Variants in TRIM67 observed in about 807,000 individuals in gnomAD.
TRIM67 encodes tripartite motif containing 67.
TRIM67 carries 39 observed loss-of-function variants against 71.0 expected under a neutral mutation model. The ratio of observed to expected loss-of-function variants is 0.55; its 90% CI spans 0.43 to 0.72. The LOEUF is 0.72. Ranked by LOEUF, TRIM67 falls within the 30% of genes least tolerant of loss-of-function variation. The pLI is 0.00. For missense variants in TRIM67, 973 were observed against 1,079.2 expected, an observed-to-expected ratio of 0.90 and a Z score of 1.38; for synonymous variants, 481 against 473.9, an observed-to-expected ratio of 1.01 and a Z score of -0.19.
chr1:231,208,564 G>A (rs1441483304), intron 7 of TRIM67, among the ~76,000 whole-genome samples: 1 of 152,076 alleles, frequency 6.6e-6, no homozygotes, highest in African/African-American at 2.4e-5. Context: ...CACCCACCTC[G>A]GCTTCCCAAA....
rs1182578191 is a variant in TRIM67 at position 231,203,870 on chromosome 1, C to T, written c.1538C>T (p.Pro513Leu). The change falls in exon 6 of 10, where the codon CCA becomes CTA. Residue 513 changes from proline (P) to leucine (L), a missense_variant. Coordinates refer to ENST00000366653, the MANE Select transcript of TRIM67 (RefSeq NM_001004342.5). ...LDFIQMKCRV[P>L]PVPLLQLEKC... ...CTCATGTGTGTCCCCCTCGCAGTGC[C>T]ACCCGTCCCCCTACTGCAGCTGGAG... 2 of 1,613,180 alleles carry T rather than the reference C, an allele frequency of 1.2e-6. No homozygotes were observed. Among genetic ancestry groups the T allele is most frequent in the South Asian group, 1.1e-5 (1 of 90,992 alleles).
In TRIM67 at chr1:231,194,007, C is replaced by T. The variant is rs149104848; in HGVS notation, c.1045-3364C>T. Among the ~76,000 whole-genome samples, 30 of 152,268 alleles carry T rather than the reference C, an allele frequency of 2.0e-4. No homozygotes were observed. The East Asian group carries it at 4.4e-3, about 23-fold the overall frequency. ...AAATACTATATCCAAACCATGACACCACGTGAGGACCTAACCCAGAAGAGG... is the reference window on the plus strand; with the variant it reads ...AAATACTATATCCAAACCATGACACTACGTGAGGACCTAACCCAGAAGAGG... On this transcript the variant is annotated intron_variant, in intron 1 of 9. Transcript: ENST00000366653.
Position 231,163,808 on chromosome 1 carries a change from G to A in TRIM67, c.839G>A (p.Gly280Asp), listed in dbSNP as rs1440462206. 3.3e-6 allele frequency: 5 copies of A among 1,497,262 alleles called. No individual in the cohort carries two copies. The highest frequency in any genetic ancestry group is 2.9e-5 in the African/African-American group (2 of 69,836). The allele number at this position is 1,497,262 out of a possible 1,614,324, so 92.7% of individuals were successfully genotyped here. A position where few individuals can be genotyped will look rare whatever the true frequency, so the allele number is the denominator to read the frequency against. The stretch of plus-strand genomic sequence containing the variant: ...CAGGGCGCCCCCAGCGGAGGCGGCG[G>A]CTGCAAGAGCCCGGGAGGCGCGGGG... Reference protein sequence around the residue: ...TAQGAPSGGGGCKSPGGAGAG... With the variant: ...TAQGAPSGGGDCKSPGGAGAG... Residue 280 changes from glycine (G) to aspartate (D), a missense_variant, in exon 1 of 10, where the codon GGC becomes GAC. Around this residue, in one of 2 missense-constraint regions of TRIM67, gnomAD observed 795 missense variants for 831.3 expected, o/e 0.96. Coordinates refer to ENST00000366653, the MANE Select transcript of TRIM67 (RefSeq NM_001004342.5).
intron 1 of TRIM67, among the ~76,000 whole-genome samples, chr1:231,171,573 G>A (rs986831587): frequency 5.9e-5 from 9 of 152,118 alleles, no homozygotes; most frequent in Admixed American, 2.0e-4. Context: ...GAATAGCAGA[G>A]AATCCAGACA....
intron 1 of TRIM67, among the ~76,000 whole-genome samples, chr1:231,173,294 C>T (rs1276095428): frequency 6.6e-6 from 1 of 152,178 alleles, no homozygotes. Context: ...TGCCTATAAT[C>T]CTAACAATTT....
At chr1:231,183,966 A>C (rs889808442) in intron 1 of TRIM67, 1 of 152,144 alleles carries the variant, frequency 6.6e-6, no homozygotes, top group African/African-American at 2.4e-5. Flanking sequence ...GATAGCAGGG[A>C]TCTGCTCAAG....
intron 1 of TRIM67, among the ~76,000 whole-genome samples, chr1:231,180,696 G>C (rs935737370): frequency 1.3e-5 from 2 of 152,172 alleles, no homozygotes; most frequent in African/African-American, 4.8e-5. Context: ...CAACTTAGAG[G>C]TAGGCAATAA....
intron 4 of TRIM67, 25 bp from the exon 5 acceptor site, chr1:231,201,333 C>T: frequency 6.2e-7 from 1 of 1,603,458 alleles, no homozygotes; most frequent in South Asian, 1.1e-5. Context: ...AAAGCAAAAC[C>T]TTAAACTCTT....
At position 231,217,652 on chromosome 1, in the gene TRIM67, GACAGCAGCTTCTC is replaced by G. The variant is rs1684049901; in HGVS notation, c.*2217_*2229del. The G allele has an allele frequency of 3.7e-5, 43 of 1,159,916 alleles. 1 individual carries two copies. In the Admixed American group the frequency reaches 1.6e-3, roughly 43 times the overall value. The allele number at this position is 1,159,916 out of a possible 1,614,324, so 71.9% of individuals were successfully genotyped here. The stretch of plus-strand genomic sequence containing the variant: ...AGTGGGCTAGGCAGGGCTGCCTGGT[GACAGCAGCTTCTC>G]ACAGGGGAGCCCTGGGGAAGGCTGT... On this transcript the variant is annotated 3_prime_UTR_variant, in exon 10 of 10. Coordinates refer to ENST00000366653, the MANE Select transcript of TRIM67 (RefSeq NM_001004342.5).
Position 231,208,845 on chromosome 1 carries a change from A to G in TRIM67, c.1820-102A>G. The G allele has an allele frequency of 2.4e-6, 3 of 1,231,472 alleles. No individual in the cohort carries two copies. The East Asian group carries it at 7.1e-5, about 29-fold the overall frequency. The allele number at this position is 1,231,472 out of a possible 1,614,324, so 76.3% of individuals were successfully genotyped here. A position where few individuals can be genotyped will look rare whatever the true frequency, so the allele number is the denominator to read the frequency against. On this transcript the variant is annotated intron_variant, in intron 7 of 9. Transcript: ENST00000366653. ...AAAGACCCTTCACTTCTGGGTGCCG[A>G]CTTTCTAACAGAAGCGAATGTGTTT...
chr1:231,182,116 A>G (rs1209465908), intron 1 of TRIM67, among the ~76,000 whole-genome samples: 1 of 152,204 alleles, frequency 6.6e-6, no homozygotes, highest in East Asian at 1.9e-4. Context: ...GCAAAGCTAA[A>G]GTGGAGCTCT....
intron 1 of TRIM67, among the ~76,000 whole-genome samples, chr1:231,194,738 A>G (rs1193260055): frequency 1.3e-5 from 2 of 152,216 alleles, no homozygotes; most frequent in Admixed American, 1.3e-4. Flanking sequence ...GCTGGAGCAC[A>G]GTGTCATAAT....
intron 1 of TRIM67, among the ~76,000 whole-genome samples, chr1:231,183,841 G>C (rs988387126): frequency 1.3e-5 from 2 of 152,192 alleles, no homozygotes; most frequent in African/African-American, 4.8e-5. Flanking sequence ...TGAGGGCAGG[G>C]AGAGTAAGTG....
chr1:231,175,713 G>T (rs1682729916), intron 1 of TRIM67, among the ~76,000 whole-genome samples: 1 of 152,172 alleles, frequency 6.6e-6, no homozygotes, highest in Non-Finnish European at 1.5e-5. Flanking sequence ...TAGAAACATA[G>T]CCCAGAACAA....
chr1:231,186,929 T>C (rs555354567), intron 1 of TRIM67, among the ~76,000 whole-genome samples: 82 of 152,276 alleles, frequency 5.4e-4, no homozygotes, highest in South Asian at 2.1e-3. Context: ...AGCTTTCATC[T>C]TCCTGCTAGA....
chr1:231,208,909 TC>T (rs754384521), intron 7 of TRIM67, 37 bp from the exon 8 acceptor site: 1 of 1,519,762 alleles, frequency 6.6e-7, no homozygotes, highest in Non-Finnish European at 8.9e-7. Context: ...GCAAATTCCA[TC>T]CCCTGACCCT....
intron 1 of TRIM67, among the ~76,000 whole-genome samples, chr1:231,177,377 A>G (rs865983923): frequency 8.5e-5 from 13 of 152,348 alleles, no homozygotes; most frequent in South Asian, 4.2e-4. Context: ...ACCTGATGCT[A>G]AAGAAGCAGT....
Position 231,215,581 on chromosome 1 carries a change from A to G in TRIM67, c.*141A>G. ...CCTGGCAGCGTGGAGTGTCATAGAAACACATTTTCTTGGGGACGCAGGGAA... is the reference window on the plus strand; with the variant it reads ...CCTGGCAGCGTGGAGTGTCATAGAAGCACATTTTCTTGGGGACGCAGGGAA... On this transcript the variant is annotated 3_prime_UTR_variant, in exon 10 of 10. Transcript: ENST00000366653. The G allele has an allele frequency of 7.1e-7, 1 of 1,410,330 alleles. No individual in the cohort carries two copies. The highest frequency in any genetic ancestry group is 1.6e-5 in the South Asian group (1 of 62,918). The allele number at this position is 1,410,330 out of a possible 1,614,324, so 87.4% of individuals were successfully genotyped here.
At chr1:231,197,737 A>G (rs988465639) in intron 2 of TRIM67, among the ~76,000 whole-genome samples, 1 of 152,238 alleles carries the variant, frequency 6.6e-6, no homozygotes, top group Non-Finnish European at 1.5e-5. Context: ...AGGCAGGAGA[A>G]TCACTTGAAC....
Sources: gnomAD v4.1 joint callset for allele counts (sites outside exome capture counted in the v4.1 genomes callset) on GRCh38, gnomAD v4.1.1 for gene constraint, gnomAD v4.1.1 regional missense constraint, MANE v1.5 for transcripts, NCBI Gene and HGNC (gene_info 2026-07-23, HGNC 2026-07-21) for gene names.